DCAF5: variants seen among roughly 807,000 people sequenced by gnomAD.
DCAF5 encodes the protein DDB1 and CUL4 associated factor 5, also known as DDB1- and CUL4-associated factor 5.
Under a neutral mutation model 80.7 loss-of-function variants are expected in DCAF5, and 9 were observed. That is an observed-to-expected ratio of 0.11 (90% CI 0.07 to 0.19). The LOEUF (loss-of-function observed/expected upper bound fraction) is 0.19. Among genes scored for constraint, DCAF5 ranks in the 10% least tolerant of loss-of-function variants. The pLI is 1.00. For missense variants in DCAF5, 842 were observed against 1,205.7 expected (o/e 0.70, Z 4.47); for synonymous variants, 433 against 461.9 (o/e 0.94, Z 0.80).
chr14:69,052,685 T>C lies in DCAF5; in HGVS notation c.*1172A>G, dbSNP rs2037800361. ...GAACCAGGAGTCATAAGCCAGAGAC[T>C]CCTCCCCAACACCTTCTGACTCCTA... On this transcript the variant is annotated 3_prime_UTR_variant, in exon 9 of 9. Transcript: ENST00000341516. 6.6e-6 allele frequency: 1 copy of C among 152,094 alleles called. No individual in the cohort carries two copies. 9.4% of individuals were successfully genotyped at this position (152,094 alleles called of 1,614,324 possible). A position where few individuals can be genotyped will look rare whatever the true frequency, so the allele number is the denominator to read the frequency against.
chr14:69,100,986 T>G lies in DCAF5; in HGVS notation c.666-9099A>C, dbSNP rs74985090. On this transcript the variant is annotated intron_variant, in intron 5 of 8. Transcript: ENST00000341516. ...CAACAAGTTCTTCAGTAAATTTAATTTCCAAAATGTTTTCATGTATATCAT... is the reference window on the plus strand; with the variant it reads ...CAACAAGTTCTTCAGTAAATTTAATGTCCAAAATGTTTTCATGTATATCAT... Among the ~76,000 whole-genome samples the G allele has an allele frequency of 8.7e-3, 1,324 of 152,276 alleles. 21 individuals carry two copies. The highest frequency in any genetic ancestry group is 0.03 in the African/African-American group (1,264 of 41,550).
chr14:69,114,986 A>G (rs2040497114), intron 5 of DCAF5, among the ~76,000 whole-genome samples: 1 of 152,178 alleles, frequency 6.6e-6, no homozygotes, highest in South Asian at 2.1e-4. Context: ...GTTGCCAGCT[A>G]TTCATTGCAA....
At chr14:69,106,512 A>ACT (rs1165070291) in intron 5 of DCAF5, among the ~76,000 whole-genome samples, 1 of 151,668 alleles carries the variant, frequency 6.6e-6, no homozygotes, top group African/African-American at 2.4e-5. Context: ...AGGACTGCAG[A>ACT]CTCTGCCACT....
At position 69,054,944 on chromosome 14, in the gene DCAF5, G is replaced by C. The variant is rs2037899350; in HGVS notation, c.1742C>G (p.Thr581Ser). 6.2e-7 allele frequency: 1 copy of C among 1,614,148 alleles called. No individual in the cohort carries two copies. The highest frequency in any genetic ancestry group is 1.3e-5 in the African/African-American group (1 of 74,948). Residue 581 changes from threonine to serine, a missense_variant, in exon 9 of 9, where the codon ACC (threonine) becomes AGC (serine). By Grantham distance (58) the Thr-to-Ser change is moderately conservative. Around this residue, in one of 5 missense-constraint regions of DCAF5, gnomAD observed 607 missense variants for 656.6 expected, o/e 0.92. Coordinates refer to ENST00000341516, the MANE Select transcript of DCAF5 (RefSeq NM_003861.3). ...GCGCCGCATGGCATTCCGCTGCCAG[G>C]TAGAGGCTCGGCGTTCATTCAGCTC... ...EEELNERRAS[T>S]WQRNAMRRRQ...
At chr14:69,136,991 G>C (rs1595058614) in intron 1 of DCAF5, among the ~76,000 whole-genome samples, 1 of 152,164 alleles carries the variant, frequency 6.6e-6, no homozygotes, top group Non-Finnish European at 1.5e-5. Context: ...AAGGCTACAT[G>C]TTCCAAATAT....
At position 69,122,292 on chromosome 14, in the gene DCAF5, G is replaced by T. The variant is rs1279485933; in HGVS notation, c.283C>A (p.Gln95Lys). Reference protein sequence around the residue: ...QAIHSRVKPIQLKGEHHSNIF... With the variant: ...QAIHSRVKPIKLKGEHHSNIF... ...TTGGAATGGTGCTCTCCTTTCAGCT[G>T]TATGGGCTTGACCCTGGAGTGGATG... Residue 95 changes from glutamine to lysine, a missense_variant, in exon 2 of 9, where the codon CAG becomes AAG. Physicochemically the swap from Gln to Lys is moderately conservative, Grantham distance 53. This residue lies in a region of DCAF5 where 142 missense variants were observed against 311.9 expected (regional missense o/e 0.46). Transcript: ENST00000341516. 3 of 1,614,054 alleles carry T rather than the reference G, an allele frequency of 1.9e-6. No homozygotes were observed. In the Admixed American group the frequency reaches 5.0e-5, roughly 27 times the overall value.
chr14:69,062,423 G>A lies in DCAF5; in HGVS notation c.1035C>T (p.Thr345=), dbSNP rs373210752. ...IVNQVRFNPH[T]YMICSSGVEK... is the part of the protein sequence containing the mutation. The stretch of plus-strand genomic sequence containing the variant: ...CTACACCAGAAGAGCAGATCATGTA[G>A]GTGTGGGGATTAAATCGGACTTGGT... The change falls in exon 8 of 9, where the codon ACC becomes ACT. Residue 345 remains threonine, a synonymous_variant. Coordinates refer to ENST00000341516, the MANE Select transcript of DCAF5 (RefSeq NM_003861.3). 1.5e-5 allele frequency: 24 copies of A among 1,613,986 alleles called. No individual in the cohort carries two copies. The African/African-American group carries it at 2.1e-4, about 14-fold the overall frequency.
At chr14:69,092,586 C>T (rs2039569928) in intron 5 of DCAF5, among the ~76,000 whole-genome samples, 1 of 152,086 alleles carries the variant, frequency 6.6e-6, no homozygotes, top group Non-Finnish European at 1.5e-5. Context: ...CCACTGCACT[C>T]CAGCCTGGGT....
At chr14:69,071,344 G>A (rs2038683952) in intron 7 of DCAF5, among the ~76,000 whole-genome samples, 1 of 152,152 alleles carries the variant, frequency 6.6e-6, no homozygotes, top group Non-Finnish European at 1.5e-5. Flanking sequence ...GTCTTCCTGA[G>A]CAGGAGTGTG....
At chr14:69,062,281 T>G in intron 8 of DCAF5, 103 bp downstream of exon 8, 4 of 1,243,474 alleles carry the variant, frequency 3.2e-6, no homozygotes, top group South Asian at 1.5e-5. Flanking sequence ...CTGATAGACC[T>G]TTAGTATGTT....
At chr14:69,145,384 A>G (rs888790865) in intron 1 of DCAF5, among the ~76,000 whole-genome samples, 2 of 152,206 alleles carry the variant, frequency 1.3e-5, no homozygotes, top group African/African-American at 4.8e-5. Flanking sequence ...TATTCACGTT[A>G]GCTAATTTTT....
At chr14:69,074,739 T>C (rs2038833632) in intron 7 of DCAF5, among the ~76,000 whole-genome samples, 1 of 151,884 alleles carries the variant, frequency 6.6e-6, no homozygotes, top group East Asian at 1.9e-4. Context: ...AAGACAAAAA[T>C]ATTCCAGGTG....
In DCAF5 at chr14:69,055,217, G is replaced by A. The variant is rs2037915470; in HGVS notation, c.1469C>T (p.Thr490Ile). 6.2e-7 allele frequency: 1 copy of A among 1,614,094 alleles called. No individual in the cohort carries two copies. The highest frequency in any genetic ancestry group is 1.3e-5 in the African/African-American group (1 of 74,944). The change falls in exon 9 of 9, where the codon ACC becomes ATC. Residue 490 changes from threonine to isoleucine, a missense_variant. Transcript: ENST00000341516. This position sits in a 1 kb window ranked among gnomAD's most constrained non-coding sequence, Gnocchi z 5.6. ...TGGAGTTGAGGCTACTGTGTTTGTG[G>A]TGGTGACCCGCAGGGGCCCCAGGTG... Reference protein sequence around the residue: ...AFHLGPLRVTTTNTVASTPPT... With the variant: ...AFHLGPLRVTITNTVASTPPT...
At chr14:69,072,623 TAAAAAAAA>T (rs57781214) in intron 7 of DCAF5, among the ~76,000 whole-genome samples, 89 of 116,456 alleles carry the variant, frequency 7.6e-4, no homozygotes, top group African/African-American at 2.8e-3. Context: ...ACCCTGACTT[TAAAAAAAA>T]AAAAAAAAAA....
chr14:69,145,381 G>A (rs1449648133), intron 1 of DCAF5, among the ~76,000 whole-genome samples: 4 of 151,964 alleles, frequency 2.6e-5, no homozygotes, highest in South Asian at 4.1e-4. Flanking sequence ...TTTTATTCAC[G>A]TTAGCTAATT....
Position 69,053,815 on chromosome 14 carries a change from G to C in DCAF5, c.*42C>G, listed in dbSNP as rs199823757. ...TTCACTAAACAATTTTTTTTTTTTT[G>C]TAAGGCTACTTTTGTAGCTTTTTGT... On this transcript the variant is annotated 3_prime_UTR_variant, in exon 9 of 9. Coordinates refer to ENST00000341516, the MANE Select transcript of DCAF5 (RefSeq NM_003861.3). 7.8e-7 allele frequency: 1 copy of C among 1,284,496 alleles called. No individual in the cohort carries two copies. The highest frequency in any genetic ancestry group is 1.7e-5 in the African/African-American group (1 of 57,952). The allele number at this position is 1,284,496 out of a possible 1,614,324, so 79.6% of individuals were successfully genotyped here. A position where few individuals can be genotyped will look rare whatever the true frequency, so the allele number is the denominator to read the frequency against.
At chr14:69,075,167 A>G (rs945506189) in intron 7 of DCAF5, among the ~76,000 whole-genome samples, 178 bp downstream of exon 7, 3 of 152,144 alleles carry the variant, frequency 2.0e-5, no homozygotes, top group Non-Finnish European at 4.4e-5. Flanking sequence ...AGATAAGACT[A>G]TGTCTGAGGG....
intron 8 of DCAF5, 120 bp downstream of exon 8, chr14:69,062,264 G>A: frequency 9.2e-7 from 1 of 1,090,084 alleles, no homozygotes; most frequent in Non-Finnish European, 1.3e-6. Context: ...GTTAAAATCT[G>A]AGAATTCTGA....
At chr14:69,142,491 T>G (rs1366268542) in intron 1 of DCAF5, among the ~76,000 whole-genome samples, 2 of 152,102 alleles carry the variant, frequency 1.3e-5, no homozygotes, top group African/African-American at 4.8e-5. Flanking sequence ...AGAAGCAGAG[T>G]GACGTTGTGG....
Sources: gnomAD v4.1 joint callset for allele counts (sites outside exome capture counted in the v4.1 genomes callset) on GRCh38, gnomAD v4.1.1 for gene constraint, gnomAD v4.1.1 regional missense constraint, Gnocchi (gnomAD v3.1) non-coding constraint, MANE v1.5 for transcripts, NCBI Gene and HGNC (gene_info 2026-07-23, HGNC 2026-07-21) for gene names.